TMOD2: variants seen among roughly 807,000 people sequenced by gnomAD.
TMOD2 encodes the protein tropomodulin-2.
Under a neutral mutation model 39.9 loss-of-function variants are expected in TMOD2, and 22 were observed. The observed-to-expected ratio is 0.55, with a 90% CI of 0.39 to 0.79. The LOEUF (loss-of-function observed/expected upper bound fraction) is 0.79. TMOD2 is among the 30% of genes least tolerant of loss of function. The pLI, the probability that TMOD2 is intolerant of heterozygous loss-of-function variation, is 0.00. For missense variants in TMOD2, 386 were observed against 413.3 expected, an observed-to-expected ratio of 0.93 and a Z score of 0.57; for synonymous variants, 123 against 146.1, an observed-to-expected ratio of 0.84 and a Z score of 1.14.
chr15:51,789,822 A>C (rs1228457776), intron 7 of TMOD2, among the ~76,000 whole-genome samples: 1 of 152,242 alleles, frequency 6.6e-6, no homozygotes, highest in Non-Finnish European at 1.5e-5. Flanking sequence ...GAGAACAAAG[A>C]CACAGCGTAC....
intron 1 of TMOD2, among the ~76,000 whole-genome samples, chr15:51,764,398 A>G (rs2055802157): frequency 6.6e-6 from 1 of 152,204 alleles, no homozygotes; most frequent in South Asian, 2.1e-4. Flanking sequence ...GAAACCACAA[A>G]CCTGAACATT....
intron 7 of TMOD2, among the ~76,000 whole-genome samples, chr15:51,792,961 A>G (rs1014635333): frequency 1.3e-5 from 2 of 152,216 alleles, no homozygotes; most frequent in African/African-American, 4.8e-5. Flanking sequence ...GTGTATACCT[A>G]TGTAACACAA....
Position 51,808,321 on chromosome 15 carries a change from A to C in TMOD2, c.1022-99A>C, listed in dbSNP as rs939109728. The C allele has an allele frequency of 1.5e-5, 13 of 894,196 alleles. No individual in the cohort carries two copies. In the African/African-American group the frequency reaches 2.2e-4, roughly 15 times the overall value. The allele number at this position is 894,196 out of a possible 1,614,324, so 55.4% of individuals were successfully genotyped here. ...AAAATTTAAGATAACTGTATCCTCA[A>C]GTGTGTGAGATTGTCATCTTATGTG... On this transcript the variant is annotated intron_variant, in intron 9 of 9. Transcript: ENST00000249700.
chr15:51,792,544 A>G (rs1476323821), intron 7 of TMOD2, among the ~76,000 whole-genome samples: 2 of 152,192 alleles, frequency 1.3e-5, no homozygotes, highest in African/African-American at 2.4e-5. Context: ...AAATCATTCT[A>G]CTATAAAGAC....
At chr15:51,767,724 A>G (rs1458744761) in intron 2 of TMOD2, among the ~76,000 whole-genome samples, 1 of 152,234 alleles carries the variant, frequency 6.6e-6, no homozygotes, top group East Asian at 1.9e-4. Flanking sequence ...GTATTCTGAT[A>G]TGTCAGATAC....
intron 7 of TMOD2, among the ~76,000 whole-genome samples, chr15:51,787,301 G>C: frequency 6.6e-6 from 1 of 152,202 alleles, no homozygotes; most frequent in East Asian, 1.9e-4. Flanking sequence ...CATTGCTGAG[G>C]CTTGAGTTGG....
chr15:51,799,109 C>T (rs1194927863), intron 8 of TMOD2, among the ~76,000 whole-genome samples: 3 of 152,188 alleles, frequency 2.0e-5, no homozygotes, highest in African/African-American at 4.8e-5. Flanking sequence ...CAGCAACTCT[C>T]AGTGATCAGC....
chr15:51,757,235 C>G (rs1733085232), intron 1 of TMOD2, among the ~76,000 whole-genome samples: 2 of 152,030 alleles, frequency 1.3e-5, no homozygotes, highest in Admixed American at 6.5e-5. Flanking sequence ...AACCCCGTCT[C>G]TACTAAAAAT....
chr15:51,782,783 G>A lies in TMOD2; in HGVS notation c.687G>A (p.Lys229=). ...CTCTGGAGACCAACACTCACGTGAA[G>A]AAGTTCAGCCTGGCCGCAACTCGCA... ...AKALETNTHV[K]KFSLAATRSN... Residue 229 remains lysine (K), a synonymous_variant, in exon 7 of 10, where the codon AAG becomes AAA. Transcript: ENST00000249700. 1.2e-6 allele frequency: 2 copies of A among 1,614,056 alleles called. No individual in the cohort carries two copies. The highest frequency in any genetic ancestry group is 4.5e-5 in the East Asian group (2 of 44,880).
rs551974605 is a variant in TMOD2, at chr15:51,788,915, A to G, written c.732+6087A>G. On this transcript the variant is annotated intron_variant, in intron 7 of 9. Transcript: ENST00000249700. The stretch of plus-strand genomic sequence containing the variant: ...CCACTGCAAAAACATGCCAAATTGT[A>G]AAGACCGTCAACGCTATGAAGAAAC... Among the ~76,000 whole-genome samples the G allele has an allele frequency of 5.2e-5, 8 of 152,388 alleles. No homozygotes were observed. The South Asian group carries it at 1.0e-3, about 20-fold the overall frequency.
intron 3 of TMOD2, among the ~76,000 whole-genome samples, chr15:51,772,534 T>C (rs757780889): frequency 5.9e-5 from 9 of 152,126 alleles, no homozygotes; most frequent in Non-Finnish European, 1.2e-4. Context: ...GGAATAGATA[T>C]CAGCATTTTC....
chr15:51,791,218 G>C (rs2056009546), intron 7 of TMOD2, among the ~76,000 whole-genome samples: 1 of 152,010 alleles, frequency 6.6e-6, no homozygotes, highest in Non-Finnish European at 1.5e-5. Flanking sequence ...AGAACAAACA[G>C]AGAGCCAAAT....
chr15:51,766,897 T>C (rs1252347442), intron 2 of TMOD2: 1 of 175,402 alleles, frequency 5.7e-6, no homozygotes, highest in African/African-American at 2.4e-5. Context: ...CTGAGTCATA[T>C]ATTTCTCTGG....
At chr15:51,755,950 T>A (rs1334738245) in intron 1 of TMOD2, among the ~76,000 whole-genome samples, 1 of 151,732 alleles carries the variant, frequency 6.6e-6, no homozygotes, top group Non-Finnish European at 1.5e-5. Context: ...AAGAAGCCCA[T>A]AAGTTCCCAA....
intron 2 of TMOD2, 131 bp from the exon 3 acceptor site, chr15:51,768,131 A>G: frequency 9.6e-7 from 1 of 1,043,984 alleles, no homozygotes; most frequent in Non-Finnish European, 1.4e-6. Context: ...CCCAGCCCTC[A>G]GCTCACACGC....
chr15:51,799,180 C>G (rs557363928), intron 8 of TMOD2, among the ~76,000 whole-genome samples: 15 of 152,288 alleles, frequency 9.8e-5, no homozygotes, highest in African/African-American at 3.4e-4. Flanking sequence ...GTTCCAGACA[C>G]TATATCTTGA....
intron 7 of TMOD2, among the ~76,000 whole-genome samples, chr15:51,786,905 G>A (rs2055974118): frequency 6.6e-6 from 1 of 152,226 alleles, no homozygotes; most frequent in African/African-American, 2.4e-5. Flanking sequence ...AGCTCCCAGT[G>A]AGATCGACGC....
intron 7 of TMOD2, among the ~76,000 whole-genome samples, chr15:51,786,100 G>A (rs900209510): frequency 6.6e-6 from 1 of 152,026 alleles, no homozygotes; most frequent in African/African-American, 2.4e-5. Flanking sequence ...TTTTGCTACT[G>A]TTTTCTGAAG....
chr15:51,816,167 G>A lies in TMOD2; in HGVS notation c.*7713G>A, dbSNP rs2056187311. 1 of 152,120 alleles carries A rather than the reference G, an allele frequency of 6.6e-6. No individual in the cohort carries two copies. The highest frequency in any genetic ancestry group is 6.5e-5 in the Admixed American group (1 of 15,268). The allele number at this position is 152,120 out of a possible 1,614,324, so 9.4% of individuals were successfully genotyped here. A position where few individuals can be genotyped will look rare whatever the true frequency, so the allele number is the denominator to read the frequency against. ...TGGATAATTATTCAGGACCCCAGTT[G>A]GCCCAAATAGGTGCAATTTTTAATC... On this transcript the variant is annotated 3_prime_UTR_variant, in exon 10 of 10. Coordinates refer to ENST00000249700, the MANE Select transcript of TMOD2 (RefSeq NM_014548.4).
Sources: allele counts gnomAD v4.1 joint callset (sites outside exome capture counted in the v4.1 genomes callset), GRCh38; gene constraint gnomAD v4.1.1; transcripts MANE v1.5; gene names NCBI Gene and HGNC (gene_info 2026-07-23, HGNC 2026-07-21).